Variants in PDE4B observed in about 807,000 individuals in gnomAD.
PDE4B encodes 3',5'-cyclic-AMP phosphodiesterase 4B.
PDE4B carries 20 observed loss-of-function variants against 82.2 expected under a neutral mutation model. The observed-to-expected ratio is 0.24, with a 90% confidence interval of 0.17 to 0.35. PDE4B has a LOEUF of 0.35. PDE4B is among the 10% of genes least tolerant of loss of function. The pLI is 1.00. For synonymous variants in PDE4B, 320 were observed against 318.9 expected, an observed-to-expected ratio of 1.00 and a Z score of -0.04; for missense variants, 655 against 907.2, an observed-to-expected ratio of 0.72 and a Z score of 3.57.
At chr1:65,973,577 G>A (rs1173980163) in intron 3 of PDE4B, among the ~76,000 whole-genome samples, 1 of 152,086 alleles carries the variant, frequency 6.6e-6, no homozygotes, top group Non-Finnish European at 1.5e-5. Context: ...TTATCCTTTT[G>A]CTACTAATTT....
chr1:65,897,726 A>G lies in PDE4B; in HGVS notation c.-70-15519A>G, dbSNP rs563618993. On this transcript the variant is annotated intron_variant, in intron 1 of 16. Transcript: ENST00000341517. The stretch of plus-strand genomic sequence containing the variant: ...ACATATACCACATTTTCTTTATCCA[A>G]TCTACCATTGATGGGCACACAGGTT... 3.3e-4 allele frequency among the ~76,000 whole-genome samples: 50 copies of G among 152,134 alleles called. 1 individual carries two copies. In the South Asian group the frequency reaches 8.9e-3, roughly 27 times the overall value.
intron 3 of PDE4B, among the ~76,000 whole-genome samples, chr1:66,083,664 A>G (rs550924145): frequency 6.6e-6 from 1 of 152,198 alleles, no homozygotes; most frequent in African/African-American, 2.4e-5. Flanking sequence ...TTGACCCAGA[A>G]TGTTTTTCTC....
intron 1 of PDE4B, among the ~76,000 whole-genome samples, chr1:65,893,984 G>A (rs1449710175): frequency 6.6e-6 from 1 of 151,974 alleles, no homozygotes; most frequent in African/African-American, 2.4e-5. Context: ...TGGACTTTGG[G>A]TACTTGCAGG....
At chr1:65,860,635 A>G (rs985017374) in intron 1 of PDE4B, among the ~76,000 whole-genome samples, 2 of 152,182 alleles carry the variant, frequency 1.3e-5, no homozygotes, top group South Asian at 2.1e-4. Context: ...GTCTTCCACA[A>G]TGGTTGAACT....
intron 4 of PDE4B, among the ~76,000 whole-genome samples, chr1:66,252,277 C>T (rs1348102941): frequency 1.3e-5 from 2 of 152,092 alleles, no homozygotes; most frequent in Admixed American, 6.5e-5. Context: ...AATATGAGTC[C>T]TCTTGATTGC....
At chr1:65,957,403 G>A (rs1471644011) in intron 3 of PDE4B, among the ~76,000 whole-genome samples, 1 of 107,446 alleles carries the variant, frequency 9.3e-6, no homozygotes, top group Non-Finnish European at 1.9e-5. Context: ...TTTATGCAGG[G>A]GTCTGATTCT....
At chr1:65,946,527 G>C (rs74084733) in intron 3 of PDE4B, among the ~76,000 whole-genome samples, 15,563 of 151,960 alleles carry the variant, frequency 0.1, 953 homozygotes, top group Middle Eastern at 0.2. Context: ...AGCAGTTCTG[G>C]TCACGTGGTC....
chr1:65,922,787 G>A lies in PDE4B; in HGVS notation c.281+3952G>A, dbSNP rs183230462. Among the ~76,000 whole-genome samples the A allele has an allele frequency of 9.9e-4, 151 of 152,262 alleles. 1 individual carries two copies. Among genetic ancestry groups the A allele is most frequent in the African/African-American group, 3.5e-3 (146 of 41,558 alleles). ...ATAGTGAGTAAGGCGGCAGAAAGAG[G>A]CTGGAAATGTGATGCTGGTGGCATT... On this transcript the variant is annotated intron_variant, in intron 3 of 16. Transcript: ENST00000341517.
At chr1:66,086,977 T>A (rs901311288) in intron 3 of PDE4B, among the ~76,000 whole-genome samples, 1 of 152,162 alleles carries the variant, frequency 6.6e-6, no homozygotes, top group South Asian at 2.1e-4. Flanking sequence ...AAGGTGCTTA[T>A]GCCTGGGAGA....
chr1:66,189,488 G>T (rs1647535119), intron 3 of PDE4B, among the ~76,000 whole-genome samples: 1 of 152,064 alleles, frequency 6.6e-6, no homozygotes, highest in Non-Finnish European at 1.5e-5. Context: ...CGTAGATTTG[G>T]CCTTTTCACA....
intron 8 of PDE4B, among the ~76,000 whole-genome samples, chr1:66,348,143 C>T (rs115446301): frequency 0.011 from 1,613 of 152,222 alleles, 29 homozygotes; most frequent in African/African-American, 0.037. Context: ...CAAAATAAAC[C>T]TTTGTCATCT....
chr1:65,944,406 T>G (rs1175215639), intron 3 of PDE4B, among the ~76,000 whole-genome samples: 1 of 151,968 alleles, frequency 6.6e-6, no homozygotes, highest in Non-Finnish European at 1.5e-5. Flanking sequence ...TCAGGGATAT[T>G]GGCCTGTAAT....
At chr1:65,958,186 T>C (rs2100589115) in intron 3 of PDE4B, among the ~76,000 whole-genome samples, 1 of 152,224 alleles carries the variant, frequency 6.6e-6, no homozygotes, top group East Asian at 1.9e-4. Flanking sequence ...TTTTTAAAAA[T>C]ATGCTTGTGT....
chr1:66,078,669 G>T (rs141957506), intron 3 of PDE4B, among the ~76,000 whole-genome samples: 1 of 152,010 alleles, frequency 6.6e-6, no homozygotes, highest in Non-Finnish European at 1.5e-5. Flanking sequence ...TGGGCAATTC[G>T]TCTTTTAAAA....
intron 3 of PDE4B, among the ~76,000 whole-genome samples, chr1:66,057,861 C>T (rs1274363583): frequency 2.0e-5 from 3 of 152,128 alleles, no homozygotes; most frequent in South Asian, 2.1e-4. Context: ...TATCATTCTG[C>T]CCCTGGCCCT....
chr1:65,899,270 C>G (rs894476891), intron 1 of PDE4B, among the ~76,000 whole-genome samples: 1 of 151,920 alleles, frequency 6.6e-6, no homozygotes, highest in African/African-American at 2.4e-5. Flanking sequence ...CAATGTGATA[C>G]CACTTCACTC....
chr1:65,994,392 T>A (rs1651418086), intron 3 of PDE4B, among the ~76,000 whole-genome samples: 1 of 152,050 alleles, frequency 6.6e-6, no homozygotes, highest in African/African-American at 2.4e-5. Flanking sequence ...ATAATGGCTT[T>A]ATTGCAGATT....
chr1:66,250,321 A>C (rs1029594785), intron 4 of PDE4B, among the ~76,000 whole-genome samples: 10 of 152,194 alleles, frequency 6.6e-5, no homozygotes, highest in African/African-American at 2.4e-4. Context: ...CCTCATACCC[A>C]GCACAGAGCT....
At chr1:65,793,732 C>T (rs1645600634) in intron 1 of PDE4B, among the ~76,000 whole-genome samples, 1 of 152,194 alleles carries the variant, frequency 6.6e-6, no homozygotes, top group South Asian at 2.1e-4. Context: ...GCACTCAAGC[C>T]TCGGCATCAC....
Sources: gnomAD v4.1 joint callset for allele counts (sites outside exome capture counted in the v4.1 genomes callset) on GRCh38, gnomAD v4.1.1 for gene constraint, MANE v1.5 for transcripts, NCBI Gene and HGNC (gene_info 2026-07-23, HGNC 2026-07-21) for gene names.